The following CTNNA2 variants were observed in gnomAD, a reference collection of about 807,000 sequenced individuals.
CTNNA2 encodes catenin alpha 2, also known as catenin alpha-2.
A neutral mutation model predicts 101.0 loss-of-function variants in CTNNA2; 42 were observed. The observed-to-expected ratio is 0.42, with a 90% confidence interval of 0.32 to 0.54. CTNNA2 has a LOEUF of 0.54. CTNNA2 is among the 20% of genes least tolerant of loss of function. CTNNA2 has a pLI of 0.14. For synonymous variants in CTNNA2, 450 were observed against 456.4 expected, an observed-to-expected ratio of 0.99 and a Z score of 0.18; for missense variants, 871 against 1,223.1, an observed-to-expected ratio of 0.71 and a Z score of 4.29.
At chr2:79,242,699 G>A (rs943814627) in intron 2 of CTNNA2, among the ~76,000 whole-genome samples, 1 of 152,110 alleles carries the variant, frequency 6.6e-6, no homozygotes, top group Non-Finnish European at 1.5e-5. Context: ...CAAGCGTGGT[G>A]GCTCACGCCT....
intron 7 of CTNNA2, among the ~76,000 whole-genome samples, chr2:80,233,298 T>C (rs938953798): frequency 3.9e-5 from 6 of 152,184 alleles, no homozygotes; most frequent in African/African-American, 1.4e-4. Flanking sequence ...AAGTTGCCCA[T>C]GTGAGAAGCA....
chr2:80,238,509 G>T (rs535380407), intron 7 of CTNNA2, among the ~76,000 whole-genome samples: 1 of 152,268 alleles, frequency 6.6e-6, no homozygotes, highest in South Asian at 2.1e-4. Flanking sequence ...GAAGTACGGA[G>T]GATGTTAACC....
chr2:79,851,736 C>CTTT (rs1470721736), intron 3 of CTNNA2, among the ~76,000 whole-genome samples: 1 of 99,524 alleles, frequency 1.0e-5, no homozygotes, highest in Admixed American at 1.2e-4. Context: ...TTTTTCTTTT[C>CTTT]CTTTTTTTTT....
intron 7 of CTNNA2, among the ~76,000 whole-genome samples, chr2:80,269,708 T>C (rs1358651313): frequency 6.6e-6 from 1 of 152,194 alleles, no homozygotes; most frequent in African/African-American, 2.4e-5. Flanking sequence ...TATTAAGTGG[T>C]CCTTCTGCTT....
intron 7 of CTNNA2, among the ~76,000 whole-genome samples, chr2:80,367,891 G>A (rs1265253593): frequency 2.0e-5 from 3 of 150,828 alleles, no homozygotes; most frequent in South Asian, 2.1e-4. Flanking sequence ...GAGATTCGTA[G>A]CAACTTGTTA....
At chr2:79,832,557 G>A (rs1558562896) in intron 3 of CTNNA2, among the ~76,000 whole-genome samples, 1 of 152,118 alleles carries the variant, frequency 6.6e-6, no homozygotes. Flanking sequence ...CTGGTGTGCA[G>A]TTTCTGGCCA....
chr2:79,891,035 A>G (rs1471894791), intron 6 of CTNNA2, among the ~76,000 whole-genome samples: 2 of 150,934 alleles, frequency 1.3e-5, no homozygotes, highest in African/African-American at 2.4e-5. Flanking sequence ...TTAAATTCCA[A>G]CATATGAATT....
chr2:80,024,495 T>C (rs1022228402), intron 7 of CTNNA2, among the ~76,000 whole-genome samples: 1 of 152,210 alleles, frequency 6.6e-6, no homozygotes, highest in African/African-American at 2.4e-5. Flanking sequence ...ATAGTTCCCT[T>C]GACCCATCTG....
intron 6 of CTNNA2, among the ~76,000 whole-genome samples, chr2:79,878,850 T>C (rs532717602): frequency 2.2e-4 from 34 of 152,216 alleles, no homozygotes; most frequent in Non-Finnish European, 3.8e-4. Context: ...CAATTTTGGC[T>C]TTTGTTGCAA....
intron 7 of CTNNA2, among the ~76,000 whole-genome samples, chr2:80,322,497 C>G (rs924265147): frequency 3.3e-5 from 5 of 151,982 alleles, no homozygotes; most frequent in Admixed American, 6.6e-5. Flanking sequence ...TGTTCCCTTG[C>G]TTGGGCGGCT....
intron 8 of CTNNA2, among the ~76,000 whole-genome samples, chr2:80,399,916 T>C (rs1020682789): frequency 6.6e-6 from 1 of 152,212 alleles, no homozygotes; most frequent in African/African-American, 2.4e-5. Flanking sequence ...GAATGCCCTT[T>C]CAGTTTACCA....
rs933054768 is a variant in CTNNA2, at chr2:79,451,773, A to G, written c.-134-53281A>G. On this transcript the variant is annotated intron_variant, in intron 4 of 21. Transcript: ENST00000466387. ...TATATATATGTATTATATATATAAA[A>G]TATTTTTCAAATACATGTCTTAAAA... Among the ~76,000 whole-genome samples, 36 of 150,888 alleles carry G rather than the reference A, an allele frequency of 2.4e-4. 1 individual carries two copies. Among genetic ancestry groups the G allele is most frequent in the Non-Finnish European group, 5.9e-5 (4 of 67,758 alleles).
At chr2:80,334,510 TA>T (rs1270582924) in intron 7 of CTNNA2, among the ~76,000 whole-genome samples, 1 of 152,206 alleles carries the variant, frequency 6.6e-6, no homozygotes, top group Non-Finnish European at 1.5e-5. Context: ...GCACTATTAA[TA>T]ATGATGCCAT....
chr2:79,626,992 A>T (rs1679353676), intron 1 of CTNNA2, among the ~76,000 whole-genome samples: 1 of 152,232 alleles, frequency 6.6e-6, no homozygotes, highest in African/African-American at 2.4e-5. Flanking sequence ...ATAAAGAAGT[A>T]TAATTAGATT....
At chr2:80,248,041 G>A (rs928901412) in intron 7 of CTNNA2, among the ~76,000 whole-genome samples, 5 of 151,524 alleles carry the variant, frequency 3.3e-5, no homozygotes, top group Non-Finnish European at 5.9e-5. Flanking sequence ...GTGGGGGCAG[G>A]GGACTCATTT....
chr2:80,250,204 AGTGTGTGTGTGT>A (rs56664173), intron 7 of CTNNA2, among the ~76,000 whole-genome samples: 3 of 96,392 alleles, frequency 3.1e-5, no homozygotes, highest in Non-Finnish European at 5.5e-5. Context: ...AGAGAGAGAG[AGTGTGTGTGTGT>A]GTGTGTGTGT....
chr2:79,655,598 G>C (rs750354530), intron 2 of CTNNA2, among the ~76,000 whole-genome samples: 2 of 152,150 alleles, frequency 1.3e-5, no homozygotes, highest in African/African-American at 4.8e-5. Flanking sequence ...GGAGGCCAAG[G>C]CAAGAAGATC....
intron 2 of CTNNA2, among the ~76,000 whole-genome samples, chr2:79,710,314 T>A (rs1257005674): frequency 6.6e-6 from 1 of 152,182 alleles, no homozygotes; most frequent in African/African-American, 2.4e-5. Flanking sequence ...AATGATTCAA[T>A]CTCACATATT....
chr2:79,989,036 A>G (rs573078977), intron 7 of CTNNA2, among the ~76,000 whole-genome samples: 98 of 152,300 alleles, frequency 6.4e-4, no homozygotes, highest in African/African-American at 2.1e-3. Context: ...TTTTTCCAGT[A>G]TGTTGGATAA....
Sources: gnomAD v4.1 joint callset for allele counts (sites outside exome capture counted in the v4.1 genomes callset) on GRCh38, gnomAD v4.1.1 for gene constraint, MANE v1.5 for transcripts, NCBI Gene and HGNC (gene_info 2026-07-23, HGNC 2026-07-21) for gene names.